The following TPGS2 variants were observed in gnomAD, a reference collection of about 807,000 sequenced individuals.
TPGS2 encodes the protein tubulin polyglutamylase complex subunit 2, also known as polyglutamylase subunit 2.
In TPGS2, 26 loss-of-function variants were observed where a neutral mutation model predicts 31.1. The ratio of observed to expected loss-of-function variants is 0.84; its 90% CI spans 0.61 to 1.16. The LOEUF (loss-of-function observed/expected upper bound fraction) is 1.16. Ranked by LOEUF, TPGS2 falls within the 50% of genes most tolerant of loss-of-function variation. TPGS2 has a pLI of 0.00. For missense variants in TPGS2, 351 were observed against 363.8 expected, an observed-to-expected ratio of 0.96 and a Z score of 0.29; for synonymous variants, 130 against 136.6, an observed-to-expected ratio of 0.95 and a Z score of 0.34.
chr18:36,804,371 G>A (rs1301160019), intron 4 of TPGS2, among the ~76,000 whole-genome samples: 1 of 152,132 alleles, frequency 6.6e-6, no homozygotes, highest in Non-Finnish European at 1.5e-5. Flanking sequence ...AGCCTCAAGA[G>A]CAGGGAAGAC....
chr18:36,791,977 A>G (rs2044325787), downstream of TPGS2, among the ~76,000 whole-genome samples: 3 of 150,446 alleles, frequency 2.0e-5, no homozygotes, highest in South Asian at 6.3e-4. Flanking sequence ...GCAGTGAGCC[A>G]TGATTGCGCC....
rs145747479 is a variant in TPGS2, at chr18:36,811,111, G to A, written c.166-3177C>T. 5.3e-5 allele frequency among the ~76,000 whole-genome samples: 8 copies of A among 152,300 alleles called. No individual in the cohort carries two copies. The East Asian group carries it at 9.7e-4, about 18-fold the overall frequency. On this transcript the variant is annotated intron_variant, in intron 2 of 6. Coordinates refer to ENST00000334295, the MANE Select transcript of TPGS2 (RefSeq NM_015476.4). ...GGCCAGGTGAAGAGCTGCCCAGGAC[G>A]TCCATCAAGGAGCATGAGAACATTG... is the stretch of plus-strand genomic sequence containing the variant.
At chr18:36,781,363 A>G (rs1388853052), downstream of TPGS2, among the ~76,000 whole-genome samples, 1 of 151,908 alleles carries the variant, frequency 6.6e-6, no homozygotes, top group East Asian at 1.9e-4. Flanking sequence ...TACTTTTAAA[A>G]CCTCTGTAGG....
At chr18:36,816,510 C>A (rs1212669050) in intron 2 of TPGS2, among the ~76,000 whole-genome samples, 1 of 152,322 alleles carries the variant, frequency 6.6e-6, no homozygotes. Flanking sequence ...TAGTGTTCCA[C>A]CCTAGACAAG....
At chr18:36,811,353 G>A (rs1234135596) in intron 2 of TPGS2, among the ~76,000 whole-genome samples, 3 of 152,106 alleles carry the variant, frequency 2.0e-5, no homozygotes, top group Admixed American at 6.6e-5. Context: ...GAGAGTTTGG[G>A]GCCAGAGCTG....
intron 1 of TPGS2, among the ~76,000 whole-genome samples, chr18:36,823,546 C>T (rs1010396773): frequency 1.4e-5 from 2 of 147,566 alleles, no homozygotes; most frequent in East Asian, 2.0e-4. Context: ...CTGCAAGCTC[C>T]GCCTCCCGGG....
Position 36,809,547 on chromosome 18 carries a change from T to C in TPGS2, c.166-1613A>G, listed in dbSNP as rs557624288. On this transcript the variant is annotated intron_variant, in intron 2 of 6. Coordinates refer to ENST00000334295, the MANE Select transcript of TPGS2 (RefSeq NM_015476.4). ...TCCTTGGACTAATTTGTTTTCCTAT[T>C]ATTAGGAGTAATGGGCTTGCTCCTA... 5.3e-5 allele frequency among the ~76,000 whole-genome samples: 8 copies of C among 152,344 alleles called. No homozygotes were observed. In the South Asian group the frequency reaches 6.2e-4, roughly 12 times the overall value.
Position 36,795,867 on chromosome 18 carries a change from T to C in TPGS2, c.*938A>G. 1.0e-6 allele frequency: 1 copy of C among 985,470 alleles called. No individual in the cohort carries two copies. The highest frequency in any genetic ancestry group is 1.2e-6 in the Non-Finnish European group (1 of 829,938). The allele number at this position is 985,470 out of a possible 1,614,324, so 61.0% of individuals were successfully genotyped here. Reference sequence around the variant, plus strand: ...AGGCAGGCAGAGCAGGTGGAAAGCTTCTGTTAACAGTGTCTGGCACCATTA... The same window carrying C: ...AGGCAGGCAGAGCAGGTGGAAAGCTCCTGTTAACAGTGTCTGGCACCATTA... On this transcript the variant is annotated 3_prime_UTR_variant, in exon 7 of 7. Coordinates refer to ENST00000334295, the MANE Select transcript of TPGS2 (RefSeq NM_015476.4).
chr18:36,803,061 T>C (rs1283238800), intron 4 of TPGS2, among the ~76,000 whole-genome samples: 1 of 152,226 alleles, frequency 6.6e-6, no homozygotes, highest in Non-Finnish European at 1.5e-5. Flanking sequence ...TTAAGATGTA[T>C]ATGCATTGTG....
At chr18:36,809,889 A>C (rs2045341150) in intron 2 of TPGS2, among the ~76,000 whole-genome samples, 1 of 152,212 alleles carries the variant, frequency 6.6e-6, no homozygotes, top group Non-Finnish European at 1.5e-5. Flanking sequence ...TCCAGTAATT[A>C]ATAGTAATTA....
intron 6 of TPGS2, among the ~76,000 whole-genome samples, chr18:36,797,803 T>G (rs1600748734): frequency 6.6e-6 from 1 of 152,080 alleles, no homozygotes; most frequent in South Asian, 2.1e-4. Flanking sequence ...GTTGTATACC[T>G]GGCATCTGTA....
intron 6 of TPGS2, among the ~76,000 whole-genome samples, chr18:36,797,777 G>C (rs991156704): frequency 6.6e-6 from 1 of 151,748 alleles, no homozygotes; most frequent in African/African-American, 2.4e-5. Flanking sequence ...AGCCACACTT[G>C]GTGTTTTCAA....
intron 4 of TPGS2, among the ~76,000 whole-genome samples, chr18:36,805,129 T>G (rs576313402): frequency 1.3e-5 from 2 of 152,292 alleles, no homozygotes; most frequent in South Asian, 2.1e-4. Context: ...GCTCCTAGGT[T>G]TTAGCAGCCA....
intron 3 of TPGS2, among the ~76,000 whole-genome samples, chr18:36,807,386 G>A (rs1027051567): frequency 6.6e-6 from 1 of 152,136 alleles, no homozygotes; most frequent in Non-Finnish European, 1.5e-5. Flanking sequence ...GGAGAGAAGC[G>A]AAGACTCTGG....
intron 5 of TPGS2, among the ~76,000 whole-genome samples, chr18:36,799,656 C>T (rs2044707768): frequency 6.6e-6 from 1 of 152,160 alleles, no homozygotes; most frequent in Admixed American, 6.5e-5. Context: ...TATCCTCTCA[C>T]CCCTACCAGA....
intron 6 of TPGS2, chr18:36,787,142 C>T: frequency 8.1e-7 from 1 of 1,231,866 alleles, no homozygotes; most frequent in East Asian, 3.2e-5. Flanking sequence ...ATTCCAGAGG[C>T]ATGCATAGCA....
chr18:36,795,247 A>G lies in TPGS2; in HGVS notation c.*1558T>C. 1.0e-6 allele frequency: 1 copy of G among 985,454 alleles called. No individual in the cohort carries two copies. Among genetic ancestry groups the G allele is most frequent in the Admixed American group, 6.1e-5 (1 of 16,282 alleles). The allele number at this position is 985,454 out of a possible 1,614,324, so 61.0% of individuals were successfully genotyped here. Reference sequence around the variant, plus strand: ...GTGGAGAATCCTGTGGACTGCTCTTAGTTCCCCAGTGGGTTTGGAAGAGGG... The same window carrying G: ...GTGGAGAATCCTGTGGACTGCTCTTGGTTCCCCAGTGGGTTTGGAAGAGGG... On this transcript the variant is annotated 3_prime_UTR_variant, in exon 7 of 7. Transcript: ENST00000334295.
intron 6 of TPGS2, among the ~76,000 whole-genome samples, chr18:36,783,600 A>C (rs1050513228): frequency 2.6e-5 from 4 of 152,210 alleles, no homozygotes; most frequent in Non-Finnish European, 5.9e-5. Context: ...TTCCAAGTCC[A>C]TTGTTAACAC....
intron 6 of TPGS2, chr18:36,783,254 G>T: frequency 2.6e-6 from 1 of 384,326 alleles, no homozygotes; most frequent in Non-Finnish European, 4.6e-6. Context: ...CAGCCTCTAT[G>T]AGCAATTTTT....
Sources: allele counts gnomAD v4.1 joint callset (sites outside exome capture counted in the v4.1 genomes callset), GRCh38; gene constraint gnomAD v4.1.1; transcripts MANE v1.5; gene names NCBI Gene and HGNC (gene_info 2026-07-23, HGNC 2026-07-21).